Variants in RAB11FIP4 observed in about 807,000 individuals in gnomAD.
RAB11FIP4 encodes RAB11 family interacting protein 4, also known as rab11 family-interacting protein 4.
A neutral mutation model predicts 74.3 loss-of-function variants in RAB11FIP4; 23 were observed. The observed-to-expected ratio is 0.31, with a 90% CI of 0.22 to 0.44. The LOEUF is 0.44. RAB11FIP4 is among the 20% of genes least tolerant of loss of function. The pLI is 1.00. For synonymous variants in RAB11FIP4, 360 were observed against 359.9 expected, an observed-to-expected ratio of 1.00 and a Z score of 0.00; for missense variants, 630 against 863.9, an observed-to-expected ratio of 0.73 and a Z score of 3.39.
At chr17:31,445,566 A>C (rs1312811510) in intron 3 of RAB11FIP4, among the ~76,000 whole-genome samples, 1 of 12,418 alleles carries the variant, frequency 8.1e-5, no homozygotes, top group South Asian at 4.1e-3. Flanking sequence ...ATATATATAT[A>C]TATATATATA....
intron 3 of RAB11FIP4, among the ~76,000 whole-genome samples, chr17:31,511,057 C>T (rs2072443048): frequency 6.6e-6 from 1 of 152,062 alleles, no homozygotes; most frequent in Non-Finnish European, 1.5e-5. Flanking sequence ...TTTCTGAGCA[C>T]TTTCTGTGTG....
At chr17:31,402,949 A>G (rs546350014) in intron 1 of RAB11FIP4, among the ~76,000 whole-genome samples, 70 of 151,982 alleles carry the variant, frequency 4.6e-4, no homozygotes, top group Admixed American at 7.8e-4. Context: ...GGTGCTTATT[A>G]TGATAGGTGG....
At chr17:31,517,426 T>C (rs76607493) in intron 3 of RAB11FIP4, among the ~76,000 whole-genome samples, 2,514 of 152,168 alleles carry the variant, frequency 0.017, 66 homozygotes, top group African/African-American at 0.058. Context: ...GGATGGCTGT[T>C]CCTGGGAGTT....
At chr17:31,429,155 C>T (rs540376557) in intron 1 of RAB11FIP4, among the ~76,000 whole-genome samples, 62 of 152,176 alleles carry the variant, frequency 4.1e-4, no homozygotes, top group Non-Finnish European at 4.6e-4. Flanking sequence ...GTACCAGTCA[C>T]GGTGCAAGCG....
At chr17:31,526,596 T>C (rs2142827504) in intron 10 of RAB11FIP4, 1 of 152,350 alleles carries the variant, frequency 6.6e-6, no homozygotes, top group South Asian at 2.1e-4. Context: ...GTGACCCTGT[T>C]CAGTTCTGCT....
chr17:31,522,828 G>T (rs866643300), intron 7 of RAB11FIP4: 3 of 186,176 alleles, frequency 1.6e-5, no homozygotes, highest in South Asian at 1.2e-4. Flanking sequence ...CGGCAGTTCA[G>T]TGTGGCCCCA....
At chr17:31,484,254 A>C (rs2071879147) in intron 3 of RAB11FIP4, among the ~76,000 whole-genome samples, 1 of 151,932 alleles carries the variant, frequency 6.6e-6, no homozygotes, top group Non-Finnish European at 1.5e-5. Flanking sequence ...TATTTTTAGC[A>C]GAGACAGGGT....
At chr17:31,493,955 A>G (rs183451027) in intron 3 of RAB11FIP4, among the ~76,000 whole-genome samples, 1 of 152,140 alleles carries the variant, frequency 6.6e-6, no homozygotes, top group Non-Finnish European at 1.5e-5. Context: ...CAGCATTCAG[A>G]TGGGGCATCC....
At chr17:31,488,860 A>T (rs2071953007) in intron 3 of RAB11FIP4, among the ~76,000 whole-genome samples, 2 of 152,106 alleles carry the variant, frequency 1.3e-5, no homozygotes. Context: ...CTGTTGGCAC[A>T]GCCGCTTCTC....
At position 31,521,171 on chromosome 17, in the gene RAB11FIP4, T is replaced by G. The variant is rs760697871; in HGVS notation, c.569T>G (p.Leu190Arg). ...GGLFLPEDKSLVHTPSMTTSD... is the reference protein window; with the variant it reads ...GGLFLPEDKSRVHTPSMTTSD... Reference sequence around the variant, plus strand: ...GGGTGCTCTCGGACCCTCAGGTCCCTGGTCCACACTCCATCCATGACGACC... The same window carrying G: ...GGGTGCTCTCGGACCCTCAGGTCCCGGGTCCACACTCCATCCATGACGACC... Residue 190 changes from leucine (L) to arginine (R), a missense_variant, in exon 5 of 15, where the codon CTG (leucine) becomes CGG (arginine). Transcript: ENST00000621161. 3.2e-6 allele frequency: 5 copies of G among 1,581,228 alleles called. No homozygotes were observed. The highest frequency in any genetic ancestry group is 3.5e-6 in the Non-Finnish European group (4 of 1,159,026).
intron 1 of RAB11FIP4, among the ~76,000 whole-genome samples, chr17:31,395,442 G>A (rs1754355055): frequency 6.6e-6 from 1 of 152,216 alleles, no homozygotes; most frequent in Non-Finnish European, 1.5e-5. Flanking sequence ...AACAAACACT[G>A]TCTCAGAAGG....
chr17:31,494,171 C>A (rs1032880649), intron 3 of RAB11FIP4, among the ~76,000 whole-genome samples: 7 of 152,090 alleles, frequency 4.6e-5, no homozygotes, highest in Non-Finnish European at 7.4e-5. Context: ...CAGTTTAGTA[C>A]CAAAATGCCT....
chr17:31,450,094 C>A (rs1053205953), intron 3 of RAB11FIP4, among the ~76,000 whole-genome samples: 2 of 152,016 alleles, frequency 1.3e-5, no homozygotes, highest in African/African-American at 2.4e-5. Flanking sequence ...TGGAACTTAT[C>A]CCTCCTCTAG....
At chr17:31,507,344 T>C (rs951601292) in intron 3 of RAB11FIP4, among the ~76,000 whole-genome samples, 3 of 152,238 alleles carry the variant, frequency 2.0e-5, no homozygotes, top group African/African-American at 7.2e-5. Context: ...CTCCACATCC[T>C]TGCCAGCATT....
At chr17:31,401,731 C>G (rs898845204) in intron 1 of RAB11FIP4, among the ~76,000 whole-genome samples, 7 of 152,226 alleles carry the variant, frequency 4.6e-5, no homozygotes, top group Non-Finnish European at 7.3e-5. Flanking sequence ...ACAGGATAGA[C>G]AGAGGATTGA....
rs914372076 is a variant in RAB11FIP4 at position 31,404,515 on chromosome 17, G to A, written c.159+12504G>A. On this transcript the variant is annotated intron_variant, in intron 1 of 14. Transcript: ENST00000621161. Reference sequence around the variant, plus strand: ...GCCTCAGTCTCCTCATCTGTATAGTGGGGATAATATTAGCAATGCATGTTA... The same window carrying A: ...GCCTCAGTCTCCTCATCTGTATAGTAGGGATAATATTAGCAATGCATGTTA... Among the ~76,000 whole-genome samples the A allele has an allele frequency of 2.6e-5, 4 of 152,240 alleles. No homozygotes were observed. In the South Asian group the frequency reaches 8.3e-4, roughly 32 times the overall value.
chr17:31,525,441 C>T (rs889033020), intron 10 of RAB11FIP4: 8 of 583,164 alleles, frequency 1.4e-5, no homozygotes, highest in African/African-American at 5.7e-5. Context: ...TTCCCAGGAG[C>T]GTGGCTCACA....
intron 3 of RAB11FIP4, among the ~76,000 whole-genome samples, chr17:31,441,621 G>A (rs141137519): frequency 0.098 from 14,865 of 151,560 alleles, 1,230 homozygotes; most frequent in East Asian, 0.32. Context: ...TCTGCCTCCC[G>A]GGTTCAAGCA....
rs147955160 is a variant in RAB11FIP4, at chr17:31,483,072, AG to A, written c.337-34578del. On this transcript the variant is annotated intron_variant, in intron 3 of 14. Transcript: ENST00000621161. ...GCCAGGCGTGGTGTCATGCGCCTAT[AG>A]TCCCAGCTACTCAGGAGGCTGAGGC... 3.1e-3 allele frequency among the ~76,000 whole-genome samples: 465 copies of A among 152,064 alleles called. 14 individuals are homozygous for A. Among genetic ancestry groups the A allele is most frequent in the Admixed American group, 0.02 (306 of 15,252 alleles).
Sources: gnomAD v4.1 joint callset for allele counts (sites outside exome capture counted in the v4.1 genomes callset) on GRCh38, gnomAD v4.1.1 for gene constraint, MANE v1.5 for transcripts, NCBI Gene and HGNC (gene_info 2026-07-23, HGNC 2026-07-21) for gene names.